The following PCDHA4 variants were observed in gnomAD, a reference collection of about 807,000 sequenced individuals.
PCDHA4 encodes protocadherin alpha-4.
A neutral mutation model predicts 61.4 loss-of-function variants in PCDHA4; 49 were observed. The observed-to-expected ratio is 0.80, with a 90% CI of 0.63 to 1.01. PCDHA4 has a LOEUF of 1.01. PCDHA4 is among the 50% of genes least tolerant of loss of function. The pLI is 0.00. For synonymous variants in PCDHA4, 590 were observed against 550.3 expected (o/e 1.07, Z -1.01); for missense variants, 1,254 against 1,235.8 (o/e 1.01, Z -0.22).
intron 1 of PCDHA4, among the ~76,000 whole-genome samples, chr5:140,941,223 C>CTT (rs1276732463): frequency 3.0e-5 from 4 of 132,446 alleles, no homozygotes; most frequent in African/African-American, 1.2e-4. Context: ...TCCTTTCTTT[C>CTT]TTTCTTTCTT....
At chr5:140,856,935 A>T in intron 1 of PCDHA4, 1 of 1,594,236 alleles carries the variant, frequency 6.3e-7, no homozygotes, top group Non-Finnish European at 8.6e-7. Context: ...TGGATAAACG[A>T]AAGGACGGGA....
At chr5:140,966,922 G>C (rs782206344) in intron 1 of PCDHA4, 7 of 1,602,954 alleles carry the variant, frequency 4.4e-6, no homozygotes, top group Non-Finnish European at 5.9e-6. Context: ...CAGAGGAGCA[G>C]GCACCCGGCG....
At chr5:140,834,558 C>G (rs2150220968) in intron 1 of PCDHA4, 1 of 1,614,104 alleles carries the variant, frequency 6.2e-7, no homozygotes, top group East Asian at 2.2e-5. Context: ...GCTGGCGGAG[C>G]TGGTGCCGCG....
At chr5:140,968,808 T>C in intron 1 of PCDHA4, 1 of 1,614,204 alleles carries the variant, frequency 6.2e-7, no homozygotes, top group South Asian at 1.1e-5. Context: ...GTAGCTGTGG[T>C]GGATAGGGTT....
At chr5:140,872,539 A>G (rs2053732284) in intron 1 of PCDHA4, among the ~76,000 whole-genome samples, 1 of 152,128 alleles carries the variant, frequency 6.6e-6, no homozygotes, top group Admixed American at 6.5e-5. Flanking sequence ...ACATGAGAGG[A>G]TCCCCTGAAC....
At chr5:140,861,430 A>G (rs370794784) in intron 1 of PCDHA4, 18 of 488,226 alleles carry the variant, frequency 3.7e-5, no homozygotes, top group African/African-American at 3.5e-4. Context: ...TTTCAGTTGG[A>G]TTCCAAAAGC....
At chr5:140,938,618 C>A (rs925273700) in intron 1 of PCDHA4, among the ~76,000 whole-genome samples, 1 of 152,138 alleles carries the variant, frequency 6.6e-6, no homozygotes, top group East Asian at 1.9e-4. Flanking sequence ...TTGGAATAAA[C>A]TCAGGTTGCT....
chr5:140,819,612 G>A (rs1352238283), intron 1 of PCDHA4, among the ~76,000 whole-genome samples: 1 of 152,056 alleles, frequency 6.6e-6, no homozygotes, highest in Non-Finnish European at 1.5e-5. Flanking sequence ...AGTCTCCCAT[G>A]AAATTCAGAT....
chr5:140,836,207 G>C (rs1227998553), intron 1 of PCDHA4: 74 of 1,613,726 alleles, frequency 4.6e-5, no homozygotes, highest in Non-Finnish European at 5.7e-5. Flanking sequence ...CGTGGCTTTC[G>C]TATGAGTTGC....
chr5:140,900,233 G>GT (rs1261263702), intron 1 of PCDHA4, among the ~76,000 whole-genome samples: 7 of 151,834 alleles, frequency 4.6e-5, no homozygotes, highest in Non-Finnish European at 7.4e-5. Flanking sequence ...ACTGGATCTT[G>GT]TTTTTTTTAT....
chr5:140,916,143 T>C (rs1237563249), intron 1 of PCDHA4, among the ~76,000 whole-genome samples: 3 of 152,012 alleles, frequency 2.0e-5, no homozygotes, highest in African/African-American at 7.2e-5. Flanking sequence ...GCTGTTCAGT[T>C]GTGTTGTGGT....
chr5:140,969,998 G>A (rs1345371434), intron 1 of PCDHA4, among the ~76,000 whole-genome samples: 2 of 152,220 alleles, frequency 1.3e-5, no homozygotes, highest in Non-Finnish European at 2.9e-5. Flanking sequence ...GGCTGTCAGA[G>A]GGAGTGGATG....
Position 140,996,899 on chromosome 5 carries a change from C to T in PCDHA4, c.2534-12728C>T, listed in dbSNP as rs529654978. Among the ~76,000 whole-genome samples, 7 of 152,226 alleles carry T rather than the reference C, an allele frequency of 4.6e-5. No individual in the cohort carries two copies. The South Asian group carries it at 1.4e-3, about 32-fold the overall frequency. ...TGTATTTTTAAATAAAATAGAATTA[C>T]ATTGTTGAAGTAAATATTAAAAAAT... is the stretch of plus-strand genomic sequence containing the variant. On this transcript the variant is annotated intron_variant, in intron 3 of 3. Transcript: ENST00000530339.
In PCDHA4 at chr5:140,808,157, G is replaced by T; in HGVS notation, c.970G>T (p.Asp324Tyr). ...CTATGAAATTATTGTAGAGGGCATTGATAAGGGACAGCTCCCACTTTCTGG... is the reference window on the plus strand; with the variant it reads ...CTATGAAATTATTGTAGAGGGCATTTATAAGGGACAGCTCCCACTTTCTGG... Reference protein sequence around the residue: ...KSYEIIVEGIDKGQLPLSGHC... With the variant: ...KSYEIIVEGIYKGQLPLSGHC... The change falls in exon 1 of 4, where the codon GAT becomes TAT. Residue 324 changes from aspartate to tyrosine, a missense_variant. Coordinates refer to ENST00000530339, the MANE Select transcript of PCDHA4 (RefSeq NM_018907.4). 6.2e-7 allele frequency: 1 copy of T among 1,614,210 alleles called. No individual in the cohort carries two copies. Among genetic ancestry groups the T allele is most frequent in the Non-Finnish European group, 8.5e-7 (1 of 1,180,032 alleles).
chr5:140,999,528 T>A (rs1414595805), intron 3 of PCDHA4, among the ~76,000 whole-genome samples: 1 of 152,080 alleles, frequency 6.6e-6, no homozygotes, highest in Non-Finnish European at 1.5e-5. Context: ...TGTTACCCCC[T>A]GGATATGACA....
At chr5:140,983,767 A>C (rs550605597) in intron 3 of PCDHA4, among the ~76,000 whole-genome samples, 23 of 152,326 alleles carry the variant, frequency 1.5e-4, no homozygotes, top group African/African-American at 5.3e-4. Context: ...TCAAATACAT[A>C]TCTACATACA....
chr5:140,858,632 C>CT, intron 1 of PCDHA4: 1 of 1,018,812 alleles, frequency 9.8e-7, no homozygotes, highest in Non-Finnish European at 1.4e-6. Context: ...GTGTGTCAGC[C>CT]TTTGATTGGT....
chr5:140,922,477 C>T (rs1233589980), intron 1 of PCDHA4, among the ~76,000 whole-genome samples: 2 of 152,124 alleles, frequency 1.3e-5, no homozygotes, highest in African/African-American at 2.4e-5. Context: ...GGAGAGAAGG[C>T]AGGACTAAAT....
intron 1 of PCDHA4, chr5:140,849,616 T>G: frequency 6.3e-7 from 1 of 1,598,694 alleles, no homozygotes; most frequent in South Asian, 1.1e-5. Context: ...CTGATTAGTG[T>G]GATCGACCTA....
Sources: allele counts gnomAD v4.1 joint callset (sites outside exome capture counted in the v4.1 genomes callset), GRCh38; gene constraint gnomAD v4.1.1; transcripts MANE v1.5; gene names NCBI Gene and HGNC (gene_info 2026-07-23, HGNC 2026-07-21).